RAD54B: variants seen among roughly 807,000 people sequenced by gnomAD.
RAD54B encodes the protein RAD54 homolog B.
In RAD54B, 78 loss-of-function variants were observed where a neutral mutation model predicts 95.8. The observed-to-expected ratio is 0.81, with a 90% CI of 0.68 to 0.98. The LOEUF is 0.98. Ranked by LOEUF, RAD54B falls within the 50% of genes least tolerant of loss-of-function variation. The probability of loss-of-function intolerance (pLI) is 0.00; values close to 1 mark genes in which losing one functional copy is unlikely to be tolerated. For missense variants in RAD54B, 957 were observed against 1,056.6 expected (o/e 0.91, Z 1.31); for synonymous variants, 328 against 354.9 (o/e 0.92, Z 0.85).
chr8:94,463,979 T>A lies in RAD54B; in HGVS notation c.135+3426A>T, dbSNP rs1035946971. Among the ~76,000 whole-genome samples, 6 of 151,474 alleles carry A rather than the reference T, an allele frequency of 4.0e-5. No homozygotes were observed. The East Asian group carries it at 7.8e-4, about 20-fold the overall frequency. On this transcript the variant is annotated intron_variant, in intron 2 of 14. Transcript: ENST00000336148. ...ACAAAAATTTGTACACAAACGTTCATGAGTATTACTCATAATTGCTAAAAA... is the reference window on the plus strand; with the variant it reads ...ACAAAAATTTGTACACAAACGTTCAAGAGTATTACTCATAATTGCTAAAAA...
intron 8 of RAD54B, among the ~76,000 whole-genome samples, chr8:94,398,788 A>G (rs1333191986): frequency 1.3e-5 from 2 of 152,120 alleles, no homozygotes; most frequent in Non-Finnish European, 2.9e-5. Flanking sequence ...TCTAGGCCTT[A>G]AATAAAAAGG....
intron 3 of RAD54B, among the ~76,000 whole-genome samples, chr8:94,451,151 A>G (rs1812647396): frequency 1.3e-5 from 2 of 152,280 alleles, no homozygotes; most frequent in South Asian, 2.1e-4. Flanking sequence ...TTCTCCACCA[A>G]AAAAGAACTA....
At chr8:94,419,287 A>G (rs1586153534) in intron 3 of RAD54B, among the ~76,000 whole-genome samples, 1 of 152,172 alleles carries the variant, frequency 6.6e-6, no homozygotes, top group Admixed American at 6.5e-5. Context: ...AGGCGGGTGG[A>G]TCACAAGGTC....
intron 11 of RAD54B, among the ~76,000 whole-genome samples, chr8:94,382,989 G>T (rs969230671): frequency 4.6e-5 from 7 of 152,018 alleles, no homozygotes; most frequent in Non-Finnish European, 1.0e-4. Flanking sequence ...TAATGCATAG[G>T]TGATGGCTTT....
intron 3 of RAD54B, among the ~76,000 whole-genome samples, chr8:94,426,197 C>A (rs1811938560): frequency 6.6e-6 from 1 of 151,928 alleles, no homozygotes; most frequent in African/African-American, 2.4e-5. Flanking sequence ...AAGCGATCCA[C>A]CCGCCTCAGC....
chr8:94,404,327 G>C, intron 5 of RAD54B, 88 bp from the exon 6 acceptor site: 1 of 1,266,156 alleles, frequency 7.9e-7, no homozygotes, highest in East Asian at 2.7e-5. Flanking sequence ...AGATAGAAAT[G>C]TTTGCCATCA....
chr8:94,416,507 A>G (rs1352203636), intron 3 of RAD54B, among the ~76,000 whole-genome samples: 1 of 151,978 alleles, frequency 6.6e-6, no homozygotes, highest in Admixed American at 6.6e-5. Flanking sequence ...CCTAAAACTT[A>G]AAGTATAATA....
chr8:94,449,493 C>T (rs566357873), intron 3 of RAD54B, among the ~76,000 whole-genome samples: 2 of 151,752 alleles, frequency 1.3e-5, no homozygotes, highest in African/African-American at 2.4e-5. Context: ...CCTGTAATCC[C>T]AGCTACTCAG....
chr8:94,372,714 G>A (rs1027846555), intron 14 of RAD54B, among the ~76,000 whole-genome samples: 3 of 151,954 alleles, frequency 2.0e-5, no homozygotes, highest in Non-Finnish European at 2.9e-5. Flanking sequence ...AAACCTGTGG[G>A]GCCACGTTTA....
In RAD54B at chr8:94,378,206, T is replaced by G. The variant is rs922686964; in HGVS notation, c.2489A>C (p.Glu830Ala). The G allele has an allele frequency of 1.9e-6, 3 of 1,611,942 alleles. No individual in the cohort carries two copies. Among genetic ancestry groups the G allele is most frequent in the Non-Finnish European group, 1.7e-6 (2 of 1,179,304 alleles). Residue 830 changes from glutamate (E) to alanine (A), a missense_variant, in exon 14 of 15, where the codon GAG (glutamate) becomes GCG (alanine). Transcript: ENST00000336148. ...TGTATGAACTTCTTCTCCTGTACAC[T>G]CACAGTCAAGCAGATCATGAGTAAC... ...DCVTHDLLDC[E>A]CTGEEVHTGD...
At chr8:94,412,215 A>C (rs1811546353) in intron 3 of RAD54B, among the ~76,000 whole-genome samples, 1 of 152,192 alleles carries the variant, frequency 6.6e-6, no homozygotes, top group South Asian at 2.1e-4. Context: ...CCTTCTTTTT[A>C]AAGGCTGAGT....
intron 1 of RAD54B, 120 bp from the exon 2 acceptor site, chr8:94,467,675 GC>G: frequency 2.1e-6 from 2 of 973,126 alleles, no homozygotes; most frequent in Non-Finnish European, 2.9e-6. Flanking sequence ...GGCCTGCCTG[GC>G]CCCCCAAGCA....
chr8:94,463,947 T>A lies in RAD54B; in HGVS notation c.135+3458A>T, dbSNP rs145579557. ...GAAAAAAGAGAGAAACGAAAACACA[T>A]ATCCACACAAAAATTTGTACACAAA... On this transcript the variant is annotated intron_variant, in intron 2 of 14. Transcript: ENST00000336148. Among the ~76,000 whole-genome samples the A allele has an allele frequency of 1.2e-3, 176 of 141,688 alleles. 1 individual carries two copies. The Middle Eastern group carries it at 0.022, about 18-fold the overall frequency. The allele number at this position is 141,688 out of a possible 152,430, so 93.0% of individuals were successfully genotyped here. A position where few individuals can be genotyped will look rare whatever the true frequency, so the allele number is the denominator to read the frequency against.
intron 14 of RAD54B, among the ~76,000 whole-genome samples, chr8:94,376,725 ATATT>A (rs1271784380): frequency 7.4e-5 from 11 of 148,638 alleles, no homozygotes; most frequent in African/African-American, 2.2e-4. Context: ...TATATTTATT[ATATT>A]TAGTTATTAG....
At chr8:94,459,848 A>G (rs1812863329) in intron 2 of RAD54B, among the ~76,000 whole-genome samples, 1 of 146,252 alleles carries the variant, frequency 6.8e-6, no homozygotes, top group Admixed American at 6.9e-5. Context: ...CGACAGAACA[A>G]GACCCTGTCT....
chr8:94,443,090 A>G (rs1356817415), intron 3 of RAD54B, among the ~76,000 whole-genome samples: 1 of 152,230 alleles, frequency 6.6e-6, no homozygotes, highest in Non-Finnish European at 1.5e-5. Flanking sequence ...TCATGCTGAC[A>G]ATGTCAATTA....
chr8:94,430,694 G>T, intron 3 of RAD54B: 1 of 878,108 alleles, frequency 1.1e-6, no homozygotes, highest in Non-Finnish European at 1.4e-6. Flanking sequence ...CTCACATGTT[G>T]TCTGTATAAT....
chr8:94,428,611 C>T (rs1206153333), intron 3 of RAD54B: 3 of 566,224 alleles, frequency 5.3e-6, no homozygotes, highest in African/African-American at 4.1e-5. Flanking sequence ...TCAGTTATAC[C>T]GTCTTTTTAA....
intron 3 of RAD54B, among the ~76,000 whole-genome samples, chr8:94,416,867 A>G (rs1428392048): frequency 2.0e-5 from 3 of 152,228 alleles, no homozygotes; most frequent in African/African-American, 4.8e-5. Flanking sequence ...ATGACACAGC[A>G]ATTACACTCC....
Sources: allele counts gnomAD v4.1 joint callset (sites outside exome capture counted in the v4.1 genomes callset), GRCh38; gene constraint gnomAD v4.1.1; transcripts MANE v1.5; gene names NCBI Gene and HGNC (gene_info 2026-07-23, HGNC 2026-07-21).